TEX36: variants seen among roughly 807,000 people sequenced by gnomAD.
The protein encoded by TEX36 is testis expressed 36, also known as testis-expressed protein 36.
In TEX36, 12 loss-of-function variants were observed where a neutral mutation model predicts 13.6. The ratio of observed to expected loss-of-function variants is 0.88; its 90% CI spans 0.56 to 1.43. The LOEUF is 1.43. TEX36 is among the 40% of genes most tolerant of loss of function. The probability of loss-of-function intolerance (pLI) is 0.00; values close to 1 mark genes in which losing one functional copy is unlikely to be tolerated. For synonymous variants in TEX36, 93 were observed against 83.0 expected, an observed-to-expected ratio of 1.12 and a Z score of -0.65; for missense variants, 224 against 228.3, an observed-to-expected ratio of 0.98 and a Z score of 0.12.
downstream of TEX36, chr10:125,621,521 A>G (rs1846429342): frequency 2.3e-6 from 1 of 432,666 alleles, no homozygotes; most frequent in Non-Finnish European, 4.7e-6. Context: ...TTTTCCACTT[A>G]TATTAGTCAG....
At chr10:125,628,879 T>C (rs1351605229) in intron 3 of TEX36, among the ~76,000 whole-genome samples, 1 of 152,224 alleles carries the variant, frequency 6.6e-6, no homozygotes, top group African/African-American at 2.4e-5. Context: ...GAAGAGTTAC[T>C]GAGGACTGAT....
At chr10:125,637,757 G>A (rs962621401) in intron 3 of TEX36, among the ~76,000 whole-genome samples, 7 of 152,002 alleles carry the variant, frequency 4.6e-5, no homozygotes, top group South Asian at 2.1e-4. Flanking sequence ...GCCAGGCAGC[G>A]GCCTCAAGAA....
chr10:125,583,599 A>G (rs1367720754), intron 3 of TEX36, among the ~76,000 whole-genome samples: 3 of 152,226 alleles, frequency 2.0e-5, no homozygotes, highest in Non-Finnish European at 4.4e-5. Flanking sequence ...ATTGAATTTC[A>G]GCATGTAAAT....
At chr10:125,606,367 C>A (rs1266038965) in intron 3 of TEX36, among the ~76,000 whole-genome samples, 1 of 152,216 alleles carries the variant, frequency 6.6e-6, no homozygotes, top group Non-Finnish European at 1.5e-5. Flanking sequence ...TATCTTTGAC[C>A]TATCCAGTGC....
At chr10:125,638,613 G>A (rs78999824) in intron 3 of TEX36, among the ~76,000 whole-genome samples, 3 of 152,184 alleles carry the variant, frequency 2.0e-5, no homozygotes, top group African/African-American at 7.2e-5. Context: ...TTGCTGACTC[G>A]ATTTCTCCAT....
intron 3 of TEX36, among the ~76,000 whole-genome samples, chr10:125,610,660 T>A (rs1846277683): frequency 6.6e-6 from 1 of 152,100 alleles, no homozygotes; most frequent in Admixed American, 6.5e-5. Flanking sequence ...ATGTACAGAT[T>A]TTTTTTAAAT....
At chr10:125,604,579 C>T (rs1051788973) in intron 3 of TEX36, among the ~76,000 whole-genome samples, 37 of 152,038 alleles carry the variant, frequency 2.4e-4, no homozygotes, top group African/African-American at 3.6e-4. Flanking sequence ...TTTGGGAGGC[C>T]GAGGCGGGCA....
At chr10:125,582,680 T>C (rs1388643245) in intron 3 of TEX36, among the ~76,000 whole-genome samples, 1 of 152,184 alleles carries the variant, frequency 6.6e-6, no homozygotes, top group Non-Finnish European at 1.5e-5. Context: ...AATCAATAAA[T>C]AAACCTCGGG....
At chr10:125,627,336 T>C (rs953862814) in intron 3 of TEX36, among the ~76,000 whole-genome samples, 1 of 152,210 alleles carries the variant, frequency 6.6e-6, no homozygotes, top group African/African-American at 2.4e-5. Flanking sequence ...TGGCTATTTA[T>C]CAAATTAATC....
chr10:125,653,680 A>G (rs930228326), downstream of TEX36, among the ~76,000 whole-genome samples: 2 of 152,094 alleles, frequency 1.3e-5, no homozygotes, highest in Admixed American at 6.5e-5. Context: ...ATTTGACACA[A>G]AAGCTTAACA....
chr10:125,643,135 A>C (rs1464895968), intron 3 of TEX36, among the ~76,000 whole-genome samples: 1 of 152,202 alleles, frequency 6.6e-6, no homozygotes, highest in Non-Finnish European at 1.5e-5. Context: ...GATCCCTGTC[A>C]GTGACAAAGC....
chr10:125,606,532 A>G (rs1846217894), intron 3 of TEX36, among the ~76,000 whole-genome samples: 1 of 152,202 alleles, frequency 6.6e-6, no homozygotes, highest in Admixed American at 6.5e-5. Context: ...CTACCACGGT[A>G]AACAATATTA....
chr10:125,641,896 A>G (rs911504632), intron 3 of TEX36, among the ~76,000 whole-genome samples: 3 of 152,238 alleles, frequency 2.0e-5, no homozygotes, highest in Non-Finnish European at 4.4e-5. Flanking sequence ...GTGGTTGGAC[A>G]GTGTTATCTC....
chr10:125,621,565 T>G, downstream of TEX36: 1 of 455,874 alleles, frequency 2.2e-6, no homozygotes, highest in Non-Finnish European at 4.4e-6. Flanking sequence ...ATAGGATATA[T>G]GTATGTATAA....
intron 3 of TEX36, among the ~76,000 whole-genome samples, chr10:125,583,993 G>T (rs1265272460): frequency 6.6e-6 from 1 of 152,286 alleles, no homozygotes; most frequent in East Asian, 1.9e-4. Context: ...GGTTGTGGAG[G>T]GAGTGACACT....
At chr10:125,622,856 C>A (rs1846445070) in intron 3 of TEX36, among the ~76,000 whole-genome samples, 1 of 152,170 alleles carries the variant, frequency 6.6e-6, no homozygotes, top group Non-Finnish European at 1.5e-5. Flanking sequence ...CAGGAGGAGC[C>A]CAGAGTGGCC....
chr10:125,622,300 T>C (rs1846436849), intron 3 of TEX36, among the ~76,000 whole-genome samples: 1 of 152,224 alleles, frequency 6.6e-6, no homozygotes, highest in Admixed American at 6.5e-5. Context: ...ATAAATTTTA[T>C]GTTACATGAT....
intron 3 of TEX36, among the ~76,000 whole-genome samples, chr10:125,646,568 A>C (rs1258187133): frequency 6.6e-6 from 1 of 152,196 alleles, no homozygotes; most frequent in East Asian, 1.9e-4. Context: ...GTAAACATGA[A>C]AGCATACATT....
chr10:125,636,493 C>T (rs1012779332), intron 3 of TEX36, among the ~76,000 whole-genome samples: 1 of 152,078 alleles, frequency 6.6e-6, no homozygotes, highest in African/African-American at 2.4e-5. Context: ...GGATTACGGG[C>T]GTGAGCCACC....
Sources: allele counts gnomAD v4.1 joint callset (sites outside exome capture counted in the v4.1 genomes callset), GRCh38; gene constraint gnomAD v4.1.1; transcripts MANE v1.5; gene names NCBI Gene and HGNC (gene_info 2026-07-23, HGNC 2026-07-21).